Variants in FLII observed in about 807,000 individuals in gnomAD.
FLII encodes protein flightless-1 homolog.
Under a neutral mutation model 156.2 loss-of-function variants are expected in FLII, and 101 were observed. The observed-to-expected ratio is 0.65, with a 90% CI of 0.55 to 0.76. The LOEUF is 0.76. Among genes scored for constraint, FLII ranks in the 30% least tolerant of loss-of-function variants. FLII has a pLI of 0.00. For missense variants in FLII, 1,675 were observed against 1,682.8 expected (o/e 1.00, Z 0.08); for synonymous variants, 767 against 685.8 (o/e 1.12, Z -1.85).
Position 18,249,379 on chromosome 17 carries a change from C to A in FLII, c.1806G>T (p.Glu602Asp). 1 of 1,614,140 alleles carries A rather than the reference C, an allele frequency of 6.2e-7. No homozygotes were observed. The change falls in exon 15 of 30, where the codon GAG becomes GAT. Residue 602 changes from glutamate (E) to aspartate (D), a missense_variant. By Grantham distance (45) the Glu-to-Asp change is conservative (BLOSUM62 2). This residue lies in a region of FLII where 1,332 missense variants were observed against 1,269.3 expected (regional missense o/e 1.05). Coordinates refer to ENST00000327031, the MANE Select transcript of FLII (RefSeq NM_002018.4). Reference protein sequence around the residue: ...QVFDNDISYIEGGTASGFYTV... With the variant: ...QVFDNDISYIDGGTASGFYTV... ...TGTAGAAGCCACTGGCTGTTCCACC[C>A]TCAATGTAGGAGATGTCGTTGTCAA... is the stretch of plus-strand genomic sequence containing the variant.
In FLII at chr17:18,246,454, G is replaced by A. The variant is rs1349362370; in HGVS notation, c.3060C>T (p.Arg1020=). 6.2e-7 allele frequency: 1 copy of A among 1,613,942 alleles called. No homozygotes were observed. Among genetic ancestry groups the A allele is most frequent in the South Asian group, 1.1e-5 (1 of 91,086 alleles). The change falls in exon 24 of 30, where the codon CGC becomes CGT. Residue 1020 remains arginine, a synonymous_variant. Coordinates refer to ENST00000327031, the MANE Select transcript of FLII (RefSeq NM_002018.4). ...SLFPGKLEVV[R]MTQQQENPKF... is the part of the protein sequence containing the mutation. The stretch of plus-strand genomic sequence containing the variant: ...TGGGGTTCTCCTGCTGCTGCGTCAT[G>A]CGTACCACCTGGGGATGTGGAAGTG...
In FLII at chr17:18,247,768, G is replaced by T; in HGVS notation, c.2376C>A (p.Ser792=). ...SDVFIWLGRK[S]PRLVRAAALK... is the part of the protein sequence containing the mutation. ...GGGCGGCAGCGCGCACCAGGCGCGG[G>T]GACTTGCGGCCGAGCCAGATGAACA... The change falls in exon 20 of 30, where the codon TCC becomes TCA. Residue 792 remains serine (S), a synonymous_variant. Coordinates refer to ENST00000327031, the MANE Select transcript of FLII (RefSeq NM_002018.4). The T allele has an allele frequency of 6.2e-7, 1 of 1,609,284 alleles. No individual in the cohort carries two copies.
chr17:18,253,953 T>C, intron 7 of FLII, 126 bp downstream of exon 7: 1 of 803,054 alleles, frequency 1.2e-6, no homozygotes, highest in Non-Finnish European at 1.9e-6. Context: ...AAAGTCACTG[T>C]AACATAACTC....
Position 18,249,149 on chromosome 17 carries a change from T to C in FLII, c.1912A>G (p.Lys638Glu), listed in dbSNP as rs748336694. 6.2e-7 allele frequency: 1 copy of C among 1,614,114 alleles called. No homozygotes were observed. The highest frequency in any genetic ancestry group is 1.7e-5 in the Admixed American group (1 of 60,036). The change falls in exon 16 of 30, where the codon AAG becomes GAG. Residue 638 changes from lysine to glutamate, a missense_variant. Physicochemically the swap from Lys to Glu is moderately conservative, Grantham distance 56 (BLOSUM62 1). This residue lies in a region of FLII where 1,332 missense variants were observed against 1,269.3 expected (regional missense o/e 1.05). Coordinates refer to ENST00000327031, the MANE Select transcript of FLII (RefSeq NM_002018.4). ...KNIKLEPVPL[K>E]GTSLDPRFVF... ...CACCTTGGGTCCAGAGAGGTCCCCT[T>C]GAGGGGCACAGGCTCCAACTTGATG... is the stretch of plus-strand genomic sequence containing the variant.
rs1249152492 is a variant in FLII, at chr17:18,258,286, G to A, written c.63+342C>T. Among the ~76,000 whole-genome samples the A allele has an allele frequency of 6.6e-6, 1 of 152,200 alleles. No individual in the cohort carries two copies. The highest frequency in any genetic ancestry group is 1.9e-4 in the East Asian group (1 of 5,174). The stretch of plus-strand genomic sequence containing the variant: ...CCCTGAGTCAGGGCCTGGCTTGGGC[G>A]TGTGACCTCAGAGGGGCGGGGAGGC... On this transcript the variant is annotated intron_variant, in intron 1 of 29. Transcript: ENST00000327031. This position sits in a 1 kb window ranked among gnomAD's most constrained non-coding sequence, Gnocchi z 4.2.
intron 14 of FLII, 46 bp downstream of exon 14, chr17:18,250,792 C>T: frequency 1.3e-6 from 2 of 1,578,178 alleles, no homozygotes; most frequent in South Asian, 1.2e-5. Context: ...ACCAGAGTTC[C>T]CTGGGAACCC....
chr17:18,253,496 A>G (rs1389909235), intron 8 of FLII, 38 bp from the exon 9 acceptor site: 1 of 1,613,540 alleles, frequency 6.2e-7, no homozygotes, highest in East Asian at 2.2e-5. Context: ...GGTCAGGGCC[A>G]GGCTCACGGC....
At chr17:18,258,884 C>T (rs1319198967), upstream of FLII, 1 of 296,474 alleles carries the variant, frequency 3.4e-6, no homozygotes, top group Non-Finnish European at 6.1e-6. The surrounding 1 kb of genome is among the most constrained non-coding windows in gnomAD (Gnocchi z 4.2). Flanking sequence ...TGCGGAGGCA[C>T]CAAGGAGTGC....
Position 18,251,428 on chromosome 17 carries a change from T to C in FLII, c.1433A>G (p.Gln478Arg). 1.2e-6 allele frequency: 2 copies of C among 1,612,636 alleles called. No individual in the cohort carries two copies. Among genetic ancestry groups the C allele is most frequent in the Non-Finnish European group, 1.7e-6 (2 of 1,179,690 alleles). Residue 478 changes from glutamine to arginine, a missense_variant, in exon 13 of 30, where the codon CAG becomes CGG. Physicochemically the swap from Gln to Arg is conservative, Grantham distance 43. This residue lies in a region of FLII where 1,332 missense variants were observed against 1,269.3 expected (regional missense o/e 1.05). Coordinates refer to ENST00000327031, the MANE Select transcript of FLII (RefSeq NM_002018.4). The stretch of plus-strand genomic sequence containing the variant: ...GTCAAGGCGGGGCTTCTCCAGGCCC[T>C]GGTCCCAACGCCGCACCTTCCCGCT... Reference protein sequence around the residue: ...APSGKVRRWDQGLEKPRLDYS... With the variant: ...APSGKVRRWDRGLEKPRLDYS...
At position 18,247,713 on chromosome 17, in the gene FLII, G is replaced by A; in HGVS notation, c.2431C>T (p.Leu811=). Residue 811 remains leucine (L), a synonymous_variant, in exon 20 of 30, where the codon CTG becomes TTG. Coordinates refer to ENST00000327031, the MANE Select transcript of FLII (RefSeq NM_002018.4). The part of the protein sequence containing the change: ...LKLGQELCGM[L]HRPRHATVSR... Reference sequence around the variant, plus strand: ...ACCGTGGCATGGCGTGGCCGGTGCAGCATCCCGCACAGCTCCTGACCCAGC... The same window carrying A: ...ACCGTGGCATGGCGTGGCCGGTGCAACATCCCGCACAGCTCCTGACCCAGC... The A allele has an allele frequency of 1.9e-6, 3 of 1,602,322 alleles. No individual in the cohort carries two copies. Among genetic ancestry groups the A allele is most frequent in the Non-Finnish European group, 8.5e-7 (1 of 1,179,320 alleles).
At chr17:18,256,726 C>T (rs1290797412) in intron 2 of FLII, 129 bp from the exon 3 acceptor site, 23 of 862,338 alleles carry the variant, frequency 2.7e-5, no homozygotes, top group Non-Finnish European at 4.3e-5. Context: ...TGCAGCTTCC[C>T]TCCCTCACTC....
At position 18,254,061 on chromosome 17, in the gene FLII, C is replaced by A; in HGVS notation, c.679+18G>T. The stretch of plus-strand genomic sequence containing the variant: ...CAGAGGGGGCCCGAGCTCAGAGGGG[C>A]TCCTGGGGCTGCCTGACCTGCGAGG... On this transcript the variant is annotated intron_variant, in intron 7 of 29. Coordinates refer to ENST00000327031, the MANE Select transcript of FLII (RefSeq NM_002018.4). The A allele has an allele frequency of 1.9e-6, 3 of 1,593,730 alleles. No individual in the cohort carries two copies. The highest frequency in any genetic ancestry group is 1.7e-6 in the Non-Finnish European group (2 of 1,166,142).
intron 6 of FLII, 113 bp from the exon 7 acceptor site, chr17:18,254,295 C>T: frequency 1.1e-6 from 1 of 915,632 alleles, no homozygotes; most frequent in Admixed American, 2.7e-5. Context: ...TGTGAGGTCA[C>T]ATCTGGTTGA....
rs2048449639 is a variant in FLII at position 18,257,303 on chromosome 17, TC to T, written c.64-285del. ...GCTTGTTTCAGGTGAAAGCCCAGCA[TC>T]CGGCTCTGTGGTTAGCTCGGCTCAA... On this transcript the variant is annotated intron_variant, in intron 1 of 29. Coordinates refer to ENST00000327031, the MANE Select transcript of FLII (RefSeq NM_002018.4). 27 of 424,518 alleles carry T rather than the reference TC, an allele frequency of 6.4e-5. 1 individual carries two copies. The South Asian group carries it at 8.9e-4, about 14-fold the overall frequency. The allele number at this position is 424,518 out of a possible 1,614,324, so 26.3% of individuals were successfully genotyped here. A position where few individuals can be genotyped will look rare whatever the true frequency, so the allele number is the denominator to read the frequency against.
chr17:18,251,991 C>G lies in FLII; in HGVS notation c.1246+8G>C, dbSNP rs761905574. 6.2e-7 allele frequency: 1 copy of G among 1,612,416 alleles called. No homozygotes were observed. Among genetic ancestry groups the G allele is most frequent in the Non-Finnish European group, 8.5e-7 (1 of 1,179,330 alleles). On this transcript the variant is annotated splice_region_variant and intron_variant, in intron 11 of 29. Transcript: ENST00000327031. ...CCCCGTTCCCAGGCCAGACCTTTCC[C>G]CACTCACCAGCTGCAGCTGCAGCCA...
chr17:18,246,651 G>A lies in FLII; in HGVS notation c.2994C>T (p.Leu998=), dbSNP rs2048067732. The A allele has an allele frequency of 6.2e-7, 1 of 1,613,854 alleles. No homozygotes were observed. Among genetic ancestry groups the A allele is most frequent in the African/African-American group, 1.3e-5 (1 of 74,932 alleles). ...QGREASNMGW[L]TFTFSLQKKF... ...TCTTTTGCAGGCTGAAGGTGAAGGT[G>A]AGCCAGCCCATATTGGAGGCTTCAC... Residue 998 remains leucine, a synonymous_variant, in exon 23 of 30, where the codon CTC becomes CTT. Transcript: ENST00000327031.
At chr17:18,257,244 G>C (rs1317140723) in intron 1 of FLII, 1 of 507,834 alleles carries the variant, frequency 2.0e-6, no homozygotes, top group Non-Finnish European at 3.5e-6. Flanking sequence ...TCTCCTACTG[G>C]ATTCTGGGCC....
rs373432615 is a variant in FLII, at chr17:18,247,035, C to A, written c.2694G>T (p.Glu898Asp). The A allele has an allele frequency of 6.9e-5, 112 of 1,613,448 alleles. No homozygotes were observed. The highest frequency in any genetic ancestry group is 2.3e-4 in the South Asian group (21 of 91,094). Residue 898 changes from glutamate to aspartate, a missense_variant, in exon 22 of 30, where the codon GAG becomes GAT. By Grantham distance (45) the Glu-to-Asp change is conservative. Around this residue, in one of 2 missense-constraint regions of FLII, gnomAD observed 1,332 missense variants for 1,269.3 expected, o/e 1.05. Transcript: ENST00000327031. ...MSLAEAEQLM[E>D]EWNEDLDGME... ...TGCCGTCTAGGTCTTCGTTCCACTC[C>A]TCCATCAGCTGCTCCGCCTGCAGGT...
Position 18,245,111 on chromosome 17 carries a change from C to T in FLII, c.*27G>A, listed in dbSNP as rs771551666. The stretch of plus-strand genomic sequence containing the variant: ...GGATGAGGCCCCTTCCTCTTCCTCA[C>T]CAAGCCTGGGGCTGTGCCAGCCTGT... On this transcript the variant is annotated 3_prime_UTR_variant, in exon 30 of 30. Transcript: ENST00000327031. The T allele has an allele frequency of 2.5e-6, 4 of 1,594,662 alleles. No individual in the cohort carries two copies. Among genetic ancestry groups the T allele is most frequent in the African/African-American group, 1.3e-5 (1 of 74,508 alleles).
Sources: gnomAD v4.1 joint callset for allele counts (sites outside exome capture counted in the v4.1 genomes callset) on GRCh38, gnomAD v4.1.1 for gene constraint, gnomAD v4.1.1 regional missense constraint, Gnocchi (gnomAD v3.1) non-coding constraint, MANE v1.5 for transcripts, NCBI Gene and HGNC (gene_info 2026-07-23, HGNC 2026-07-21) for gene names.